The following CALN1 variants were observed in gnomAD, a reference collection of about 807,000 sequenced individuals.
CALN1 encodes calcium-binding protein 8.
In CALN1, 17 loss-of-function variants were observed where a neutral mutation model predicts 30.6. The ratio of observed to expected loss-of-function variants is 0.56; its 90% CI spans 0.38 to 0.83. CALN1 has a LOEUF of 0.83. Among genes scored for constraint, CALN1 ranks in the 40% least tolerant of loss-of-function variants. The pLI is 0.00. For synonymous variants in CALN1, 156 were observed against 131.4 expected (o/e 1.19, Z -1.28); for missense variants, 291 against 354.9 (o/e 0.82, Z 1.45).
chr7:72,145,410 G>A lies in CALN1; in HGVS notation c.245-39116C>T, dbSNP rs182352600. Reference sequence around the variant, plus strand: ...TTCCTTGACACATACACTCTCCCAAGACTAAACCAGGAAGAAGTTGAATCT... The same window carrying A: ...TTCCTTGACACATACACTCTCCCAAAACTAAACCAGGAAGAAGTTGAATCT... On this transcript the variant is annotated intron_variant, in intron 3 of 6. Transcript: ENST00000395275. Among the ~76,000 whole-genome samples the A allele has an allele frequency of 1.4e-3, 217 of 152,256 alleles. 1 individual carries two copies. The highest frequency in any genetic ancestry group is 5.1e-3 in the African/African-American group (210 of 41,546).
chr7:72,287,942 T>C (rs1299862696), intron 2 of CALN1, among the ~76,000 whole-genome samples: 1 of 152,138 alleles, frequency 6.6e-6, no homozygotes, highest in African/African-American at 2.4e-5. Flanking sequence ...TTTAGTGAAA[T>C]TGCACTCCAA....
chr7:72,205,395 T>C (rs1791753098), intron 3 of CALN1, among the ~76,000 whole-genome samples: 1 of 150,342 alleles, frequency 6.7e-6, no homozygotes, highest in South Asian at 2.1e-4. Context: ...AGAGACAGGG[T>C]TTCACCATGT....
chr7:71,957,220 T>C (rs185493268), intron 5 of CALN1, among the ~76,000 whole-genome samples: 302 of 152,292 alleles, frequency 2.0e-3, no homozygotes, highest in African/African-American at 6.7e-3. Flanking sequence ...GAGAGAATTT[T>C]GATTTACTTC....
chr7:72,244,894 T>C (rs1401258510), intron 3 of CALN1, among the ~76,000 whole-genome samples: 1 of 152,082 alleles, frequency 6.6e-6, no homozygotes, highest in African/African-American at 2.4e-5. Flanking sequence ...TCCTAAATTG[T>C]ACCAAATACT....
chr7:72,272,622 A>G (rs1050321293), intron 3 of CALN1, among the ~76,000 whole-genome samples: 2 of 152,192 alleles, frequency 1.3e-5, no homozygotes, highest in African/African-American at 2.4e-5. Context: ...CACATGTGAG[A>G]GGCTGGGAAT....
intron 4 of CALN1, among the ~76,000 whole-genome samples, chr7:72,068,968 A>G (rs1005193356): frequency 6.6e-6 from 1 of 152,264 alleles, no homozygotes; most frequent in East Asian, 1.9e-4. Context: ...TGGAGGAAAT[A>G]GGTACACTGA....
chr7:72,407,262 CTGA>C (rs934231795), intron 1 of CALN1, among the ~76,000 whole-genome samples: 1 of 152,180 alleles, frequency 6.6e-6, no homozygotes, highest in Non-Finnish European at 1.5e-5. Flanking sequence ...CAAAATGAAC[CTGA>C]TAATAACACC....
intron 5 of CALN1, among the ~76,000 whole-genome samples, chr7:71,947,496 C>A (rs995025732): frequency 6.6e-6 from 1 of 152,046 alleles, no homozygotes; most frequent in Admixed American, 6.6e-5. Context: ...CTAGACACAC[C>A]CTTTTCCTAT....
intron 6 of CALN1, among the ~76,000 whole-genome samples, chr7:71,801,428 G>GTATGTATGTATCTATCTATCTATC (rs1461292230): frequency 3.1e-4 from 27 of 87,696 alleles, no homozygotes; most frequent in South Asian, 4.9e-4. Flanking sequence ...ATGTATGTAT[G>GTATGTATGTATCTATCTATCTATC]TATCTATCTA....
intron 5 of CALN1, among the ~76,000 whole-genome samples, chr7:71,863,048 C>T (rs35991621): frequency 1.3e-5 from 2 of 151,940 alleles, no homozygotes; most frequent in South Asian, 4.2e-4. Context: ...CTACTTGAGG[C>T]TAGGAGTTTG....
At chr7:72,463,971 GGAA>G in the CALN1 span, among the ~76,000 whole-genome samples, 566 of 123,644 alleles carry the variant, frequency 4.6e-3, 3 homozygotes, top group African/African-American at 0.017. Flanking sequence ...AAGGAAGGAA[GGAA>G]GGAAGGGAAG....
At chr7:72,193,224 G>A (rs1790755798) in intron 3 of CALN1, among the ~76,000 whole-genome samples, 1 of 151,926 alleles carries the variant, frequency 6.6e-6, no homozygotes, top group Non-Finnish European at 1.5e-5. Context: ...AATTAGCCAT[G>A]TGTGGTGGTG....
intron 2 of CALN1, among the ~76,000 whole-genome samples, chr7:72,402,234 G>A (rs1806391271): frequency 6.6e-6 from 1 of 152,190 alleles, no homozygotes; most frequent in Non-Finnish European, 1.5e-5. Flanking sequence ...CAAATGTCAA[G>A]TTGTGTTGGA....
At chr7:71,886,951 T>A (rs151106192) in intron 5 of CALN1, among the ~76,000 whole-genome samples, 1,620 of 152,010 alleles carry the variant, frequency 0.011, 87 homozygotes, top group Admixed American at 0.089. Context: ...AGGTACAAAG[T>A]GCTGTGAGAA....
At chr7:72,130,895 T>A (rs905505223) in intron 3 of CALN1, among the ~76,000 whole-genome samples, 1 of 138,374 alleles carries the variant, frequency 7.2e-6, no homozygotes, top group Non-Finnish European at 1.6e-5. Flanking sequence ...ATAAACAGGT[T>A]ATTTTTGAAG....
rs372015868 is a variant in CALN1, at chr7:71,830,350, C to CT, written c.502-19859dup. ...GAGCCACCGTGTCCGGCCATCAGTTCTTTTTTTCTTTTTTTGAGACAGAGA... is the reference window on the plus strand; with the variant it reads ...GAGCCACCGTGTCCGGCCATCAGTTCTTTTTTTTCTTTTTTTGAGACAGAGA... On this transcript the variant is annotated intron_variant, in intron 5 of 6. Transcript: ENST00000395275. Among the ~76,000 whole-genome samples the CT allele has an allele frequency of 7.2e-4, 104 of 144,336 alleles. 1 individual carries two copies. The highest frequency in any genetic ancestry group is 3.7e-3 in the Admixed American group (53 of 14,384). The allele number at this position is 144,336 out of a possible 152,430, so 94.7% of individuals were successfully genotyped here. A position where few individuals can be genotyped will look rare whatever the true frequency, so the allele number is the denominator to read the frequency against.
chr7:72,460,509 G>A, the CALN1 span, among the ~76,000 whole-genome samples: 1 of 152,058 alleles, frequency 6.6e-6, no homozygotes, highest in Non-Finnish European at 1.5e-5. Flanking sequence ...GCAGGTGCCT[G>A]TAGTCCCAGC....
intron 5 of CALN1, among the ~76,000 whole-genome samples, chr7:72,008,505 G>C (rs1201169711): frequency 1.3e-5 from 2 of 151,718 alleles, no homozygotes; most frequent in Admixed American, 6.6e-5. Context: ...CAAGAGAAGG[G>C]AAATGAAGAG....
rs559154852 is a variant in CALN1, at chr7:71,784,666, G to A, written c.*3109C>T. On this transcript the variant is annotated 3_prime_UTR_variant, in exon 7 of 7. Coordinates refer to ENST00000395275, the MANE Select transcript of CALN1 (RefSeq NM_031468.4). ...GCGGCGGGGGGTACCTGCTCTTGCAGCAAGAATGAGCCAACCTGTGTTTGT... is the reference window on the plus strand; with the variant it reads ...GCGGCGGGGGGTACCTGCTCTTGCAACAAGAATGAGCCAACCTGTGTTTGT... 48 of 396,772 alleles carry A rather than the reference G, an allele frequency of 1.2e-4. No homozygotes were observed. The Admixed American group carries it at 1.3e-3, about 11-fold the overall frequency. The allele number at this position is 396,772 out of a possible 1,614,324, so 24.6% of individuals were successfully genotyped here.
Sources: gnomAD v4.1 joint callset for allele counts (sites outside exome capture counted in the v4.1 genomes callset) on GRCh38, gnomAD v4.1.1 for gene constraint, MANE v1.5 for transcripts, NCBI Gene and HGNC (gene_info 2026-07-23, HGNC 2026-07-21) for gene names.